RBPJ: variants seen among roughly 807,000 people sequenced by gnomAD.
The protein encoded by RBPJ is recombining binding protein suppressor of hairless.
Under a neutral mutation model 67.8 loss-of-function variants are expected in RBPJ, and 9 were observed. The ratio of observed to expected loss-of-function variants is 0.13; its 90% CI spans 0.08 to 0.23. The LOEUF is 0.23. Among genes scored for constraint, RBPJ ranks in the 10% least tolerant of loss-of-function variants. The pLI is 1.00. For missense variants in RBPJ, 305 were observed against 595.6 expected, an observed-to-expected ratio of 0.51 and a Z score of 5.08; for synonymous variants, 198 against 203.3, an observed-to-expected ratio of 0.97 and a Z score of 0.22.
At chr4:26,122,924 C>T in the RBPJ span, among the ~76,000 whole-genome samples, 16 of 152,274 alleles carry the variant, frequency 1.1e-4, no homozygotes, top group East Asian at 2.3e-3. Context: ...TGGCCATAGT[C>T]GGCCGACCCT....
chr4:26,373,261 C>T (rs992541990), intron 1 of RBPJ, among the ~76,000 whole-genome samples: 1 of 152,112 alleles, frequency 6.6e-6, no homozygotes, highest in African/African-American at 2.4e-5. Flanking sequence ...TTTTTAAACT[C>T]GTGTAGAATA....
rs186325328 is a variant in RBPJ at position 26,425,483 on chromosome 4, G to A, written c.747+740G>A. ...CCCAAAAAAAAAATTAGCCAGGCAT[G>A]GTGGTGCACACCTGTAGTCTCAAGC... On this transcript the variant is annotated intron_variant, in intron 7 of 10. Coordinates refer to ENST00000355476, the MANE Select transcript of RBPJ (RefSeq NM_015874.6). Among the ~76,000 whole-genome samples, 252 of 152,038 alleles carry A rather than the reference G, an allele frequency of 1.7e-3. 2 individuals carry two copies. Among genetic ancestry groups the A allele is most frequent in the African/African-American group, 5.9e-3 (244 of 41,468 alleles).
chr4:26,136,952 A>T, the RBPJ span, among the ~76,000 whole-genome samples: 2 of 152,220 alleles, frequency 1.3e-5, no homozygotes, highest in Admixed American at 1.3e-4. Flanking sequence ...CCACGTAAAC[A>T]TCTTCAAGAG....
chr4:26,260,105 A>T lies in RBPJ; in HGVS notation c.-167+96491A>T, dbSNP rs148813909. Among the ~76,000 whole-genome samples, 36 of 152,340 alleles carry T rather than the reference A, an allele frequency of 2.4e-4. No homozygotes were observed. The East Asian group carries it at 6.0e-3, about 25-fold the overall frequency. ...ACAAGTTAATTTTGGAGCAAAACAG[A>T]TTTGAAATCCATGCATAGTTTTTTC... On this transcript the variant is annotated intron_variant, in intron 1 of 4. Transcript: ENST00000512351.
intron 3 of RBPJ, among the ~76,000 whole-genome samples, chr4:26,413,499 T>C (rs1734245672): frequency 6.6e-6 from 1 of 152,218 alleles, no homozygotes. Context: ...TTTTTTTGTT[T>C]ATTTTTACTG....
the RBPJ span, among the ~76,000 whole-genome samples, chr4:26,158,158 C>T: frequency 6.6e-6 from 1 of 152,194 alleles, no homozygotes; most frequent in African/African-American, 2.4e-5. Flanking sequence ...TAGGCACTAT[C>T]TCCTATGTCA....
intron 1 of RBPJ, among the ~76,000 whole-genome samples, chr4:26,172,505 T>G (rs1577433997): frequency 6.6e-6 from 1 of 152,306 alleles, no homozygotes; most frequent in East Asian, 1.9e-4. Flanking sequence ...TCATTTCCTA[T>G]CCACACTGCC....
At chr4:26,341,950 A>G (rs945497595) in intron 1 of RBPJ, among the ~76,000 whole-genome samples, 1 of 152,222 alleles carries the variant, frequency 6.6e-6, no homozygotes. Context: ...TAGAATAGCC[A>G]AGAAGGGATG....
rs886730350 is a variant in RBPJ at position 26,339,554 on chromosome 4, A to G, written c.20+18506A>G. 2.6e-5 allele frequency among the ~76,000 whole-genome samples: 4 copies of G among 152,180 alleles called. No homozygotes were observed. The South Asian group carries it at 8.3e-4, about 32-fold the overall frequency. ...GATGCTGAGGCAGGAGAATCACTTG[A>G]ATCTGGGAGGCGGAGTTTGCAGTGA... On this transcript the variant is annotated intron_variant, in intron 1 of 10. Coordinates refer to ENST00000355476, the MANE Select transcript of RBPJ (RefSeq NM_015874.6).
At chr4:26,234,144 T>C (rs1165307792) in intron 1 of RBPJ, among the ~76,000 whole-genome samples, 1 of 152,256 alleles carries the variant, frequency 6.6e-6, no homozygotes, top group Non-Finnish European at 1.5e-5. Context: ...TAACCCAGAA[T>C]GTTGGATAGT....
chr4:26,214,289 A>T (rs1480815052), intron 1 of RBPJ, among the ~76,000 whole-genome samples: 1 of 124,128 alleles, frequency 8.1e-6, no homozygotes, highest in Non-Finnish European at 1.7e-5. Flanking sequence ...AGGAGGAAGG[A>T]AAGGAAGGAA....
At chr4:26,209,571 C>A (rs1419292859) in intron 1 of RBPJ, among the ~76,000 whole-genome samples, 2 of 149,892 alleles carry the variant, frequency 1.3e-5, no homozygotes, top group African/African-American at 4.9e-5. Flanking sequence ...CCCTCCCTTC[C>A]TCCTTCCCTG....
intron 1 of RBPJ, among the ~76,000 whole-genome samples, chr4:26,300,029 T>A (rs1722025510): frequency 6.6e-6 from 1 of 152,052 alleles, no homozygotes; most frequent in African/African-American, 2.4e-5. Flanking sequence ...GAAGCAAGGT[T>A]TTTGGAGGAG....
chr4:26,233,966 C>CA (rs1254942537), intron 1 of RBPJ, among the ~76,000 whole-genome samples: 9 of 151,256 alleles, frequency 6.0e-5, no homozygotes, highest in African/African-American at 1.5e-4. Flanking sequence ...GCTCATTGTA[C>CA]AAAAAAAAAT....
chr4:26,320,695 C>T (rs1338665329), upstream of RBPJ: 1 of 1,519,424 alleles, frequency 6.6e-7, no homozygotes, highest in African/African-American at 1.4e-5. Context: ...TCCGGTTTTC[C>T]TCAGTCTCCA....
intron 1 of RBPJ, among the ~76,000 whole-genome samples, chr4:26,196,724 C>T (rs962096632): frequency 3.9e-5 from 6 of 151,972 alleles, no homozygotes; most frequent in African/African-American, 1.5e-4. Flanking sequence ...AGCCACATAC[C>T]CACTGTTGAG....
chr4:26,190,419 T>C (rs766321305), intron 1 of RBPJ, among the ~76,000 whole-genome samples: 3 of 152,210 alleles, frequency 2.0e-5, no homozygotes. Context: ...TTTCCCAAAA[T>C]GATAACTCAA....
chr4:26,354,444 G>T (rs945572075), intron 1 of RBPJ, among the ~76,000 whole-genome samples: 2 of 139,148 alleles, frequency 1.4e-5, no homozygotes, highest in African/African-American at 2.6e-5. Context: ...TTGGCAAAAA[G>T]ATTTCTGTTT....
chr4:26,346,458 C>T (rs1726159706), intron 1 of RBPJ, among the ~76,000 whole-genome samples: 1 of 152,214 alleles, frequency 6.6e-6, no homozygotes, highest in African/African-American at 2.4e-5. Flanking sequence ...TTATCTACTC[C>T]TTACTGTACA....
Sources: allele counts gnomAD v4.1 joint callset (sites outside exome capture counted in the v4.1 genomes callset), GRCh38; gene constraint gnomAD v4.1.1; transcripts MANE v1.5; gene names NCBI Gene and HGNC (gene_info 2026-07-23, HGNC 2026-07-21).